FLT1: variants seen among roughly 807,000 people sequenced by gnomAD.
FLT1 encodes fms related receptor tyrosine kinase 1.
A neutral mutation model predicts 156.3 loss-of-function variants in FLT1; 49 were observed. The ratio of observed to expected loss-of-function variants is 0.31; its 90% CI spans 0.25 to 0.40. The LOEUF (loss-of-function observed/expected upper bound fraction) is 0.40, where lower values mean the gene tolerates loss of function less well. FLT1 is among the 10% of genes least tolerant of loss of function. The pLI is 1.00. For missense variants in FLT1, 1,322 were observed against 1,637.2 expected (o/e 0.81, Z 3.32); for synonymous variants, 594 against 583.8 (o/e 1.02, Z -0.25).
At chr13:28,490,421 C>G (rs1012846135) in intron 1 of FLT1, among the ~76,000 whole-genome samples, 1 of 152,230 alleles carries the variant, frequency 6.6e-6, no homozygotes, top group African/African-American at 2.4e-5. Flanking sequence ...CAACTGTTTC[C>G]TTAATGAACC....
chr13:28,306,788 G>T lies in FLT1; in HGVS notation c.3721-16C>A. The stretch of plus-strand genomic sequence containing the variant: ...CCTGGTAGTCCTAGGGGGAGAAGGA[G>T]AAAGGTTATACTCTTGCCTGGCCCA... On this transcript the variant is annotated splice_polypyrimidine_tract_variant and intron_variant, in intron 28 of 29. Coordinates refer to ENST00000282397, the MANE Select transcript of FLT1 (RefSeq NM_002019.4). 1 of 1,580,550 alleles carries T rather than the reference G, an allele frequency of 6.3e-7. No individual in the cohort carries two copies. Among genetic ancestry groups the T allele is most frequent in the Non-Finnish European group, 8.7e-7 (1 of 1,149,770 alleles).
At chr13:28,493,817 C>G (rs183340504) in intron 1 of FLT1, among the ~76,000 whole-genome samples, 1 of 152,352 alleles carries the variant, frequency 6.6e-6, no homozygotes, top group Admixed American at 6.5e-5. Context: ...CCTGACTGTT[C>G]CACCGCCCGT....
At chr13:28,376,192 A>G (rs1873832736) in intron 14 of FLT1, among the ~76,000 whole-genome samples, 1 of 152,210 alleles carries the variant, frequency 6.6e-6, no homozygotes, top group South Asian at 2.1e-4. Flanking sequence ...TGTCAGTGAT[A>G]TAGTGTGACA....
intron 14 of FLT1, among the ~76,000 whole-genome samples, chr13:28,367,198 G>T (rs1371381199): frequency 2.0e-5 from 3 of 152,096 alleles, no homozygotes; most frequent in East Asian, 1.9e-4. Flanking sequence ...TCATCTTAAG[G>T]TTCAAAAAGC....
intron 10 of FLT1, among the ~76,000 whole-genome samples, chr13:28,411,318 C>T (rs1478511147): frequency 1.3e-5 from 2 of 151,394 alleles, no homozygotes; most frequent in East Asian, 1.9e-4. Context: ...TTTGGGAGGC[C>T]GAGGCAGGTG....
intron 8 of FLT1, 28 bp from the exon 9 acceptor site, chr13:28,427,949 C>A (rs1352058436): frequency 6.3e-7 from 1 of 1,598,806 alleles, no homozygotes; most frequent in Admixed American, 1.7e-5. Context: ...ATCAGTAAGT[C>A]ATTTCACACG....
intron 13 of FLT1, chr13:28,387,301 G>C (rs778388634): frequency 1.9e-6 from 2 of 1,044,700 alleles, no homozygotes; most frequent in Non-Finnish European, 2.3e-6. Context: ...CTTTTGGCTA[G>C]TTTCTAAATG....
intron 6 of FLT1, among the ~76,000 whole-genome samples, chr13:28,432,683 G>A (rs912365693): frequency 2.6e-5 from 4 of 152,148 alleles, no homozygotes; most frequent in South Asian, 4.1e-4. Context: ...GCACAAATAC[G>A]GGATATTTCC....
chr13:28,344,777 A>G (rs1313763865), intron 16 of FLT1, among the ~76,000 whole-genome samples: 1 of 149,982 alleles, frequency 6.7e-6, no homozygotes, highest in East Asian at 1.9e-4. Flanking sequence ...AGAGAAGTCA[A>G]AGGTGGGGCC....
chr13:28,463,957 C>T (rs558456627), intron 3 of FLT1, among the ~76,000 whole-genome samples: 3 of 138,846 alleles, frequency 2.2e-5, no homozygotes, highest in African/African-American at 7.8e-5. Flanking sequence ...ATAGATGTTA[C>T]TGTTCATAGT....
chr13:28,383,953 C>T (rs919937249), intron 14 of FLT1, among the ~76,000 whole-genome samples: 4 of 152,176 alleles, frequency 2.6e-5, no homozygotes, highest in Non-Finnish European at 4.4e-5. Context: ...AGCATCAGTG[C>T]ATTTTGGAAT....
chr13:28,376,707 C>T (rs547723808), intron 14 of FLT1, among the ~76,000 whole-genome samples: 1 of 152,174 alleles, frequency 6.6e-6, no homozygotes, highest in Non-Finnish European at 1.5e-5. Flanking sequence ...GCCCCTCTTG[C>T]AGCACCTGCT....
At chr13:28,468,303 C>T (rs1879962564) in intron 1 of FLT1, among the ~76,000 whole-genome samples, 1 of 152,128 alleles carries the variant, frequency 6.6e-6, no homozygotes, top group South Asian at 2.1e-4. Flanking sequence ...ACGTGACATT[C>T]GACAAACATC....
At chr13:28,465,547 A>T (rs886341212) in intron 3 of FLT1, among the ~76,000 whole-genome samples, 2 of 136,364 alleles carry the variant, frequency 1.5e-5, no homozygotes, top group African/African-American at 2.6e-5. Flanking sequence ...TTCACAAATT[A>T]AAAAAAATCT....
In FLT1 at chr13:28,470,680, C is replaced by T. The variant is rs574014886; in HGVS notation, c.65-3063G>A. On this transcript the variant is annotated intron_variant, in intron 1 of 29. Transcript: ENST00000282397. ...ACCCAAAGCCCAGCTGAGAGAAGTGCTATTTATTTATTTATTTACTTATTT... is the reference window on the plus strand; with the variant it reads ...ACCCAAAGCCCAGCTGAGAGAAGTGTTATTTATTTATTTATTTACTTATTT... Among the ~76,000 whole-genome samples, 5 of 152,154 alleles carry T rather than the reference C, an allele frequency of 3.3e-5. No homozygotes were observed. In the South Asian group the frequency reaches 8.3e-4, roughly 25 times the overall value.
At chr13:28,334,667 C>A (rs991911178) in intron 17 of FLT1, among the ~76,000 whole-genome samples, 1 of 152,182 alleles carries the variant, frequency 6.6e-6, no homozygotes, top group Non-Finnish European at 1.5e-5. Context: ...TCCAGTCTTT[C>A]TAATGTGTCT....
intron 20 of FLT1, 149 bp downstream of exon 20, chr13:28,327,313 A>G: frequency 4.6e-6 from 3 of 651,884 alleles, no homozygotes; most frequent in Non-Finnish European, 8.3e-6. Flanking sequence ...TATCAGGGGA[A>G]AAAACATGAA....
chr13:28,387,806 T>C, intron 13 of FLT1: 1 of 886,078 alleles, frequency 1.1e-6, no homozygotes, highest in Middle Eastern at 5.1e-4. Flanking sequence ...CAAAAGTTTC[T>C]TTAAAAAAAA....
intron 10 of FLT1, among the ~76,000 whole-genome samples, chr13:28,412,250 T>C (rs1166574910): frequency 1.3e-5 from 2 of 152,232 alleles, no homozygotes; most frequent in Non-Finnish European, 2.9e-5. Context: ...GTCTGAGCCA[T>C]CAGATTAACA....
Sources: allele counts gnomAD v4.1 joint callset (sites outside exome capture counted in the v4.1 genomes callset), GRCh38; gene constraint gnomAD v4.1.1; transcripts MANE v1.5; gene names NCBI Gene and HGNC (gene_info 2026-07-23, HGNC 2026-07-21).